SNAP25: variants seen among roughly 807,000 people sequenced by gnomAD.
The protein encoded by SNAP25 is synaptosome associated protein 25.
SNAP25 carries 3 observed loss-of-function variants against 28.7 expected under a neutral mutation model. The ratio of observed to expected loss-of-function variants is 0.10; its 90% CI spans 0.05 to 0.27. The LOEUF is 0.27. SNAP25 is among the 10% of genes least tolerant of loss of function. The probability of loss-of-function intolerance (pLI) is 1.00; values close to 1 mark genes in which losing one functional copy is unlikely to be tolerated. For synonymous variants in SNAP25, 61 were observed against 88.1 expected, an observed-to-expected ratio of 0.69 and a Z score of 1.72; for missense variants, 117 against 278.7, an observed-to-expected ratio of 0.42 and a Z score of 4.13.
chr20:10,282,190 A>G (rs949819915), intron 3 of SNAP25, among the ~76,000 whole-genome samples: 2 of 148,950 alleles, frequency 1.3e-5, no homozygotes, highest in South Asian at 2.2e-4. Flanking sequence ...GAAGGAAGGA[A>G]GGAAGGAAGG....
chr20:10,281,898 G>A (rs944936499), intron 3 of SNAP25, among the ~76,000 whole-genome samples: 1 of 152,120 alleles, frequency 6.6e-6, no homozygotes, highest in Non-Finnish European at 1.5e-5. Context: ...GAGAAATTAT[G>A]AGGGAGCAGT....
At chr20:10,234,084 G>T (rs190458311) in intron 1 of SNAP25, among the ~76,000 whole-genome samples, 1 of 152,142 alleles carries the variant, frequency 6.6e-6, no homozygotes, top group East Asian at 1.9e-4. Context: ...ATAGACTTAA[G>T]TTTTTTCAGG....
intron 7 of SNAP25, among the ~76,000 whole-genome samples, chr20:10,305,098 A>G (rs1044522325): frequency 4.6e-5 from 7 of 152,222 alleles, no homozygotes; most frequent in Non-Finnish European, 7.3e-5. Flanking sequence ...ATAGTAAATA[A>G]TAGACTAGAC....
intron 1 of SNAP25, among the ~76,000 whole-genome samples, chr20:10,241,012 T>C (rs1246873613): frequency 6.6e-6 from 1 of 152,160 alleles, no homozygotes; most frequent in East Asian, 1.9e-4. Flanking sequence ...GTAATGGAAA[T>C]GCCCTGCTGC....
intron 1 of SNAP25, among the ~76,000 whole-genome samples, chr20:10,230,178 C>T (rs992661443): frequency 1.3e-5 from 2 of 152,036 alleles, no homozygotes; most frequent in Non-Finnish European, 2.9e-5. Context: ...AGAGAAAAAG[C>T]CAAGGAGGAG....
At chr20:10,302,863 G>A (rs1190136436) in intron 7 of SNAP25, among the ~76,000 whole-genome samples, 1 of 151,660 alleles carries the variant, frequency 6.6e-6, no homozygotes, top group Non-Finnish European at 1.5e-5. Flanking sequence ...GCATGGGGTG[G>A]AATTTTCATA....
chr20:10,226,328 C>A (rs958932029), intron 1 of SNAP25, among the ~76,000 whole-genome samples: 2 of 152,116 alleles, frequency 1.3e-5, no homozygotes, highest in African/African-American at 4.8e-5. Context: ...CTAATTTATG[C>A]CAGAGAAATT....
At chr20:10,251,563 G>A (rs1320201063) in intron 1 of SNAP25, among the ~76,000 whole-genome samples, 1 of 152,216 alleles carries the variant, frequency 6.6e-6, no homozygotes, top group Non-Finnish European at 1.5e-5. Flanking sequence ...AAGGAGCAAT[G>A]ATTAATAAGC....
In SNAP25 at chr20:10,284,782, G is replaced by C; in HGVS notation, c.163+10G>C. On this transcript the variant is annotated intron_variant, in intron 4 of 7. Coordinates refer to ENST00000254976, the MANE Select transcript of SNAP25 (RefSeq NM_130811.4). ...TTGGATGAACAAGGAGGTAAGTTCA[G>C]ATTTCTTCAGTAAGAACAATTCCTC... 4 of 1,606,148 alleles carry C rather than the reference G, an allele frequency of 2.5e-6. No individual in the cohort carries two copies. Among genetic ancestry groups the C allele is most frequent in the Non-Finnish European group, 3.4e-6 (4 of 1,173,098 alleles).
chr20:10,292,674 A>C (rs1324148040), intron 4 of SNAP25, among the ~76,000 whole-genome samples: 1 of 152,156 alleles, frequency 6.6e-6, no homozygotes, highest in Non-Finnish European at 1.5e-5. Flanking sequence ...ATCATGTTGA[A>C]TTACAAAGTA....
chr20:10,218,933 C>G lies in SNAP25; in HGVS notation c.-108C>G, dbSNP rs2122565368. The G allele has an allele frequency of 6.6e-6, 1 of 152,478 alleles. No homozygotes were observed. Among genetic ancestry groups the G allele is most frequent in the East Asian group, 1.9e-4 (1 of 5,182 alleles). 9.4% of individuals were successfully genotyped at this position (152,478 alleles called of 1,614,324 possible). A position where few individuals can be genotyped will look rare whatever the true frequency, so the allele number is the denominator to read the frequency against. ...CTGCTCGGCGGCTCCACCACAGTTGCAACCTGCAGAGGCCCGGAGAACACA... is the reference window on the plus strand; with the variant it reads ...CTGCTCGGCGGCTCCACCACAGTTGGAACCTGCAGAGGCCCGGAGAACACA... On this transcript the variant is annotated 5_prime_UTR_variant, in exon 1 of 8. Transcript: ENST00000254976.
intron 1 of SNAP25, among the ~76,000 whole-genome samples, chr20:10,220,889 C>A (rs2062619888): frequency 4.6e-5 from 7 of 152,158 alleles, no homozygotes; most frequent in Admixed American, 4.6e-4. Context: ...TCATTCGCTG[C>A]TATTTAATTA....
At chr20:10,258,474 T>C (rs943551543) in intron 1 of SNAP25, among the ~76,000 whole-genome samples, 1 of 152,128 alleles carries the variant, frequency 6.6e-6, no homozygotes, top group African/African-American at 2.4e-5. Context: ...TCATCCTGAG[T>C]GGAGACTGAT....
At chr20:10,272,558 C>G (rs945390403) in intron 1 of SNAP25, among the ~76,000 whole-genome samples, 2 of 152,138 alleles carry the variant, frequency 1.3e-5, no homozygotes, top group African/African-American at 4.8e-5. Context: ...AAATTCCTTC[C>G]AGTGTCTGTT....
chr20:10,253,408 T>C (rs2063264401), intron 1 of SNAP25, among the ~76,000 whole-genome samples: 1 of 152,228 alleles, frequency 6.6e-6, no homozygotes, highest in South Asian at 2.1e-4. Flanking sequence ...ACTTACTAGC[T>C]ATGTGACTCT....
intron 1 of SNAP25, among the ~76,000 whole-genome samples, chr20:10,243,418 T>C (rs2063069237): frequency 6.6e-6 from 1 of 152,204 alleles, no homozygotes; most frequent in South Asian, 2.1e-4. Flanking sequence ...CAATTAGTGT[T>C]TCTTTTTTGT....
chr20:10,268,427 A>C (rs2063539736), intron 1 of SNAP25, among the ~76,000 whole-genome samples: 1 of 152,226 alleles, frequency 6.6e-6, no homozygotes, highest in Admixed American at 6.5e-5. Context: ...ATTTATTAAA[A>C]GAGGAACAGA....
chr20:10,263,112 A>C (rs1210152891), intron 1 of SNAP25, among the ~76,000 whole-genome samples: 1 of 137,730 alleles, frequency 7.3e-6, no homozygotes, highest in African/African-American at 2.7e-5. Context: ...TCCGCCTCCC[A>C]GCTTCATGTC....
intron 1 of SNAP25, among the ~76,000 whole-genome samples, chr20:10,227,923 A>G (rs2062761288): frequency 6.6e-6 from 1 of 152,108 alleles, no homozygotes; most frequent in Non-Finnish European, 1.5e-5. Flanking sequence ...TAGAATTGGC[A>G]TGGTGGACAC....
Sources: gnomAD v4.1 joint callset for allele counts (sites outside exome capture counted in the v4.1 genomes callset) on GRCh38, gnomAD v4.1.1 for gene constraint, MANE v1.5 for transcripts, NCBI Gene and HGNC (gene_info 2026-07-23, HGNC 2026-07-21) for gene names.